The following NKAIN2 variants were observed in gnomAD, a reference collection of about 807,000 sequenced individuals.
NKAIN2 encodes the protein sodium/potassium transporting ATPase interacting 2.
In NKAIN2, 14 loss-of-function variants were observed where a neutral mutation model predicts 32.6. The ratio of observed to expected loss-of-function variants is 0.43; its 90% CI spans 0.28 to 0.67. The LOEUF is 0.67. NKAIN2 is among the 30% of genes least tolerant of loss of function. The pLI, the probability that NKAIN2 is intolerant of heterozygous loss-of-function variation, is 0.17. For missense variants in NKAIN2, 198 were observed against 258.3 expected (o/e 0.77, Z 1.60); for synonymous variants, 80 against 87.2 (o/e 0.92, Z 0.46).
rs192693108 is a variant in NKAIN2, at chr6:124,732,328, C to T, written c.475-59011C>T. 5.1e-3 allele frequency among the ~76,000 whole-genome samples: 778 copies of T among 152,020 alleles called. 11 individuals are homozygous for T. The highest frequency in any genetic ancestry group is 0.018 in the African/African-American group (743 of 41,476). On this transcript the variant is annotated intron_variant, in intron 4 of 6. Coordinates refer to ENST00000368417, the MANE Select transcript of NKAIN2 (RefSeq NM_001040214.3). ...TAAGGAATAGAGATACGGGCTCTTA[C>T]GGAAGCTGAGGAATAGGACAGGGTT...
chr6:124,428,781 A>G (rs1005394240), intron 3 of NKAIN2, among the ~76,000 whole-genome samples: 1 of 152,102 alleles, frequency 6.6e-6, no homozygotes. Context: ...TTACCAAATT[A>G]ATTTGAACAC....
Position 124,628,462 on chromosome 6 carries a change from CTCTT to C in NKAIN2, c.274-29721_274-29718del, listed in dbSNP as rs768043158. ...TCTTAGTTAACTTTAATGAAATAGA[CTCTT>C]TCAGGTTCCAAGCAATGGAGATGTA... On this transcript the variant is annotated intron_variant, in intron 3 of 6. Transcript: ENST00000368417. Among the ~76,000 whole-genome samples, 34 of 152,192 alleles carry C rather than the reference CTCTT, an allele frequency of 2.2e-4. No individual in the cohort carries two copies. In the East Asian group the frequency reaches 2.3e-3, roughly 10 times the overall value.
chr6:124,760,513 C>T (rs1182631530), intron 4 of NKAIN2, among the ~76,000 whole-genome samples: 1 of 151,980 alleles, frequency 6.6e-6, no homozygotes, highest in African/African-American at 2.4e-5. Context: ...CCAGGCGCTT[C>T]CAGAACAATC....
intron 3 of NKAIN2, among the ~76,000 whole-genome samples, chr6:124,588,725 T>C (rs1781800836): frequency 6.6e-6 from 1 of 152,172 alleles, no homozygotes; most frequent in Non-Finnish European, 1.5e-5. Flanking sequence ...CTTGATTCTA[T>C]TACATGCATC....
chr6:124,203,850 A>G (rs1034078396), intron 1 of NKAIN2, among the ~76,000 whole-genome samples: 3 of 151,784 alleles, frequency 2.0e-5, no homozygotes, highest in Admixed American at 6.6e-5. Context: ...AAGATGAAAT[A>G]TGCAAAAAGT....
intron 1 of NKAIN2, among the ~76,000 whole-genome samples, chr6:124,256,554 A>G (rs1393413006): frequency 6.6e-6 from 1 of 152,198 alleles, no homozygotes; most frequent in Non-Finnish European, 1.5e-5. Flanking sequence ...CTGTCCTAGT[A>G]ACATTTCTTT....
intron 4 of NKAIN2, among the ~76,000 whole-genome samples, chr6:124,713,809 C>A (rs1285286834): frequency 1.3e-5 from 2 of 152,156 alleles, no homozygotes; most frequent in African/African-American, 2.4e-5. Flanking sequence ...ATTATCAGAA[C>A]TATCCCAAAA....
intron 4 of NKAIN2, among the ~76,000 whole-genome samples, chr6:124,772,962 A>G (rs1778828167): frequency 1.3e-5 from 2 of 151,546 alleles, no homozygotes; most frequent in South Asian, 4.2e-4. Context: ...CCCTGAATCT[A>G]AAAGAAAGAA....
At chr6:124,360,357 C>G (rs12204812) in intron 3 of NKAIN2, among the ~76,000 whole-genome samples, 1 of 151,894 alleles carries the variant, frequency 6.6e-6, no homozygotes, top group African/African-American at 2.4e-5. Flanking sequence ...CTAATGAACT[C>G]TCTGCCATAT....
At chr6:124,388,792 T>C (rs1371003431) in intron 3 of NKAIN2, among the ~76,000 whole-genome samples, 1 of 152,096 alleles carries the variant, frequency 6.6e-6, no homozygotes, top group Non-Finnish European at 1.5e-5. Flanking sequence ...GGCTCTCATA[T>C]TGTGAACAAG....
intron 1 of NKAIN2, among the ~76,000 whole-genome samples, chr6:123,926,620 C>T (rs1776017586): frequency 6.6e-6 from 1 of 152,206 alleles, no homozygotes; most frequent in African/African-American, 2.4e-5. Flanking sequence ...TTTTCATTCT[C>T]TCTAGAGATA....
chr6:124,428,630 A>C (rs1775080411), intron 3 of NKAIN2, among the ~76,000 whole-genome samples: 1 of 152,212 alleles, frequency 6.6e-6, no homozygotes, highest in Admixed American at 6.5e-5. Flanking sequence ...AGGGTGAGTT[A>C]ATCATTCAGA....
chr6:124,689,023 GA>G (rs1774133520), intron 4 of NKAIN2, among the ~76,000 whole-genome samples: 6 of 152,134 alleles, frequency 3.9e-5, no homozygotes, highest in Non-Finnish European at 8.8e-5. Context: ...CATTTGGTAA[GA>G]GTGTATTTAG....
chr6:124,383,202 G>A (rs1772724343), intron 3 of NKAIN2, among the ~76,000 whole-genome samples: 3 of 152,086 alleles, frequency 2.0e-5, no homozygotes, highest in South Asian at 4.1e-4. Flanking sequence ...TAGTGTCTTT[G>A]CTAGAAATAA....
Position 124,049,144 on chromosome 6 carries a change from A to C in NKAIN2, c.55-233861A>C, listed in dbSNP as rs575092200. 2.0e-5 allele frequency among the ~76,000 whole-genome samples: 3 copies of C among 152,178 alleles called. No homozygotes were observed. In the South Asian group the frequency reaches 6.2e-4, roughly 32 times the overall value. Reference sequence around the variant, plus strand: ...TCTGTATTTATTTTCTCAAATGTGGAAATTCCAATATTTAAAATTACAAGG... The same window carrying C: ...TCTGTATTTATTTTCTCAAATGTGGCAATTCCAATATTTAAAATTACAAGG... On this transcript the variant is annotated intron_variant, in intron 1 of 6. Coordinates refer to ENST00000368417, the MANE Select transcript of NKAIN2 (RefSeq NM_001040214.3).
At chr6:123,864,652 T>C (rs2114984279) in intron 1 of NKAIN2, among the ~76,000 whole-genome samples, 1 of 152,250 alleles carries the variant, frequency 6.6e-6, no homozygotes, top group African/African-American at 2.4e-5. Flanking sequence ...TGTAGATAAC[T>C]GGAGGGAAGA....
intron 3 of NKAIN2, among the ~76,000 whole-genome samples, chr6:124,399,835 A>G (rs1229567333): frequency 6.6e-6 from 1 of 152,212 alleles, no homozygotes; most frequent in Non-Finnish European, 1.5e-5. Context: ...GACAAACAGC[A>G]TCCTGGGGCC....
At chr6:124,472,343 C>A (rs1777008182) in intron 3 of NKAIN2, among the ~76,000 whole-genome samples, 1 of 152,040 alleles carries the variant, frequency 6.6e-6, no homozygotes, top group African/African-American at 2.4e-5. Context: ...GAGTTACAAT[C>A]CTATACTCAA....
intron 3 of NKAIN2, among the ~76,000 whole-genome samples, chr6:124,528,644 A>G (rs1779408076): frequency 6.6e-6 from 1 of 152,202 alleles, no homozygotes; most frequent in Non-Finnish European, 1.5e-5. Flanking sequence ...GAAACTATCT[A>G]ATTTGGGGAG....
Sources: gnomAD v4.1 joint callset for allele counts (sites outside exome capture counted in the v4.1 genomes callset) on GRCh38, gnomAD v4.1.1 for gene constraint, MANE v1.5 for transcripts, NCBI Gene and HGNC (gene_info 2026-07-23, HGNC 2026-07-21) for gene names.